Variants in HS6ST3 observed in about 807,000 individuals in gnomAD.
The protein encoded by HS6ST3 is heparan sulfate 6-O-sulfotransferase 3.
A neutral mutation model predicts 36.7 loss-of-function variants in HS6ST3; 12 were observed. The observed-to-expected ratio is 0.33, with a 90% confidence interval of 0.21 to 0.53. The LOEUF (loss-of-function observed/expected upper bound fraction) is 0.53, where lower values mean the gene tolerates loss of function less well. HS6ST3 is among the 20% of genes least tolerant of loss of function. The pLI is 0.95. For synonymous variants in HS6ST3, 240 were observed against 257.5 expected, an observed-to-expected ratio of 0.93 and a Z score of 0.65; for missense variants, 584 against 640.9, an observed-to-expected ratio of 0.91 and a Z score of 0.96.
intron 1 of HS6ST3, among the ~76,000 whole-genome samples, chr13:96,295,001 G>A (rs1483002626): frequency 6.6e-6 from 1 of 152,040 alleles, no homozygotes; most frequent in East Asian, 1.9e-4. Context: ...TTATGTTAAA[G>A]GAGTCATAGC....
At chr13:96,549,442 C>T (rs1374763564) in intron 1 of HS6ST3, among the ~76,000 whole-genome samples, 1 of 152,120 alleles carries the variant, frequency 6.6e-6, no homozygotes, top group Admixed American at 6.6e-5. Context: ...ATTAAATCCT[C>T]ATTATATCAA....
intron 1 of HS6ST3, among the ~76,000 whole-genome samples, chr13:96,187,932 T>C (rs1318142156): frequency 1.3e-5 from 2 of 152,206 alleles, no homozygotes; most frequent in African/African-American, 2.4e-5. Context: ...GTGTCTATGT[T>C]GGTCCTCTTC....
chr13:96,319,531 T>A (rs774205002), intron 1 of HS6ST3, among the ~76,000 whole-genome samples: 1 of 152,238 alleles, frequency 6.6e-6, no homozygotes, highest in East Asian at 1.9e-4. Flanking sequence ...TATTGGGTCA[T>A]AGGGTAACTC....
chr13:96,238,147 T>A (rs139437377), intron 1 of HS6ST3, among the ~76,000 whole-genome samples: 1 of 151,498 alleles, frequency 6.6e-6, no homozygotes, highest in East Asian at 1.9e-4. Context: ...TCTATCTAGT[T>A]GTTTAGGAAA....
In HS6ST3 at chr13:96,559,767, G is replaced by T. The variant is rs375129410; in HGVS notation, c.708-272723G>T. ...GGAGCTGTCCTTGAAGGACCATTAT[G>T]CCATTCCTTTCAGATGTTTAATAAA... On this transcript the variant is annotated intron_variant, in intron 1 of 1. Coordinates refer to ENST00000376705, the MANE Select transcript of HS6ST3 (RefSeq NM_153456.4). 6.0e-5 allele frequency among the ~76,000 whole-genome samples: 9 copies of T among 150,796 alleles called. No homozygotes were observed. The East Asian group carries it at 1.8e-3, about 29-fold the overall frequency.
chr13:96,321,375 C>A (rs2055002132), intron 1 of HS6ST3, among the ~76,000 whole-genome samples: 1 of 152,122 alleles, frequency 6.6e-6, no homozygotes, highest in Non-Finnish European at 1.5e-5. Flanking sequence ...CCCCTCATGT[C>A]CTTTATCACC....
intron 1 of HS6ST3, among the ~76,000 whole-genome samples, chr13:96,201,811 A>G (rs1203410787): frequency 6.6e-6 from 1 of 152,318 alleles, no homozygotes; most frequent in Admixed American, 6.5e-5. Flanking sequence ...TATAAAATAG[A>G]TTTCCATCTA....
intron 1 of HS6ST3, among the ~76,000 whole-genome samples, chr13:96,558,642 C>A (rs1213623367): frequency 1.3e-5 from 2 of 150,176 alleles, no homozygotes; most frequent in Non-Finnish European, 2.9e-5. Context: ...AGTAGTAAGC[C>A]TTGTTGGAAT....
At chr13:96,774,439 G>A (rs533925233) in intron 1 of HS6ST3, among the ~76,000 whole-genome samples, 2 of 152,186 alleles carry the variant, frequency 1.3e-5, no homozygotes, top group Admixed American at 1.3e-4. Context: ...CTTGAAAAAA[G>A]GTTAGAGGAA....
At chr13:96,418,993 C>T (rs1469770606) in intron 1 of HS6ST3, among the ~76,000 whole-genome samples, 1 of 152,210 alleles carries the variant, frequency 6.6e-6, no homozygotes, top group Admixed American at 6.5e-5. Context: ...GGGCATGAAA[C>T]GCCCCGATAA....
chr13:96,497,877 C>A (rs947745570), intron 1 of HS6ST3, among the ~76,000 whole-genome samples: 1 of 152,106 alleles, frequency 6.6e-6, no homozygotes, highest in Non-Finnish European at 1.5e-5. Context: ...CCTTTGTCCT[C>A]TGAAGGTTTA....
intron 1 of HS6ST3, among the ~76,000 whole-genome samples, chr13:96,672,375 CCAAA>C (rs1391320662): frequency 1.3e-5 from 2 of 152,062 alleles, no homozygotes; most frequent in East Asian, 1.9e-4. Flanking sequence ...TAATTCATCC[CCAAA>C]CATTCTCCCA....
At chr13:96,765,486 C>A (rs1454536308) in intron 1 of HS6ST3, among the ~76,000 whole-genome samples, 1 of 152,104 alleles carries the variant, frequency 6.6e-6, no homozygotes, top group East Asian at 1.9e-4. Flanking sequence ...TCTGGAACTA[C>A]CATTTTGTGA....
chr13:96,834,482 C>T lies in HS6ST3; in HGVS notation c.*1284C>T, dbSNP rs1878879020. On this transcript the variant is annotated 3_prime_UTR_variant, in exon 2 of 2. Coordinates refer to ENST00000376705, the MANE Select transcript of HS6ST3 (RefSeq NM_153456.4). ...ACTGGACAAGAAATGTGCTGCATTG[C>T]CGAGTTCTTATTTTCACCTTTTCAT... 1 of 152,148 alleles carries T rather than the reference C, an allele frequency of 6.6e-6. No homozygotes were observed. The highest frequency in any genetic ancestry group is 6.5e-5 in the Admixed American group (1 of 15,276). 9.4% of individuals were successfully genotyped at this position (152,148 alleles called of 1,614,324 possible).
intron 1 of HS6ST3, among the ~76,000 whole-genome samples, chr13:96,701,049 C>T (rs573923671): frequency 2.0e-5 from 3 of 152,062 alleles, no homozygotes; most frequent in Non-Finnish European, 2.9e-5. Flanking sequence ...AGACTTGTTT[C>T]GATCAGCATA....
chr13:96,615,172 T>C (rs2056469908), intron 1 of HS6ST3, among the ~76,000 whole-genome samples: 1 of 152,228 alleles, frequency 6.6e-6, no homozygotes, highest in South Asian at 2.1e-4. Flanking sequence ...CAATTACTGT[T>C]GCACCAAACT....
intron 1 of HS6ST3, among the ~76,000 whole-genome samples, chr13:96,115,811 G>A (rs1415036442): frequency 6.6e-6 from 1 of 152,134 alleles, no homozygotes; most frequent in Admixed American, 6.5e-5. Context: ...GATCCTTGAG[G>A]AATCGCCATA....
chr13:96,782,594 G>T (rs1177686095), intron 1 of HS6ST3, among the ~76,000 whole-genome samples: 1 of 152,098 alleles, frequency 6.6e-6, no homozygotes, highest in Admixed American at 6.6e-5. Flanking sequence ...CATGATCTTA[G>T]TGCTGTCCCA....
At chr13:96,221,773 A>G (rs1356726259) in intron 1 of HS6ST3, among the ~76,000 whole-genome samples, 1 of 152,202 alleles carries the variant, frequency 6.6e-6, no homozygotes. Flanking sequence ...AGAGTTTATT[A>G]GCAGGTTGTA....
Sources: gnomAD v4.1 joint callset for allele counts (sites outside exome capture counted in the v4.1 genomes callset) on GRCh38, gnomAD v4.1.1 for gene constraint, MANE v1.5 for transcripts, NCBI Gene and HGNC (gene_info 2026-07-23, HGNC 2026-07-21) for gene names.